ENPEP: variants seen among roughly 807,000 people sequenced by gnomAD.
ENPEP encodes glutamyl aminopeptidase, also known as AP-A.
In ENPEP, 103 loss-of-function variants were observed where a neutral mutation model predicts 114.5. The ratio of observed to expected loss-of-function variants is 0.90; its 90% CI spans 0.77 to 1.06. ENPEP has a LOEUF of 1.06. Among genes scored for constraint, ENPEP ranks in the 50% least tolerant of loss-of-function variants. ENPEP has a pLI of 0.00. For missense variants in ENPEP, 1,196 were observed against 1,161.3 expected, an observed-to-expected ratio of 1.03 and a Z score of -0.43; for synonymous variants, 420 against 422.0, an observed-to-expected ratio of 1.00 and a Z score of 0.06.
At position 110,503,464 on chromosome 4, in the gene ENPEP, G is replaced by A. The variant is rs151094983; in HGVS notation, c.919-3173G>A. Among the ~76,000 whole-genome samples the A allele has an allele frequency of 1.6e-3, 247 of 152,106 alleles. 1 individual carries two copies. Among genetic ancestry groups the A allele is most frequent in the Non-Finnish European group, 6.2e-4 (42 of 67,998 alleles). ...TATATTGTAATCCTTAGTTTCCTTG[G>A]ATTGGTTTCAACTTTCTCAATGGTT... On this transcript the variant is annotated intron_variant, in intron 3 of 19. Coordinates refer to ENST00000265162, the MANE Select transcript of ENPEP (RefSeq NM_001977.4).
At chr4:110,553,178 G>A (rs1727350397) in intron 17 of ENPEP, 137 bp from the exon 18 acceptor site, 1 of 713,610 alleles carries the variant, frequency 1.4e-6, no homozygotes, top group African/African-American at 1.8e-5. Context: ...TTCATCATTT[G>A]TCATATTTAA....
In ENPEP at chr4:110,480,841, G is replaced by A. The variant is rs181273093; in HGVS notation, c.644+3783G>A. ...AACATCCAGTCGCTTTTCCTTTATC[G>A]ATCTACCTCTTCCTACTCGCTAGTC... On this transcript the variant is annotated intron_variant, in intron 1 of 19. Coordinates refer to ENST00000265162, the MANE Select transcript of ENPEP (RefSeq NM_001977.4). Among the ~76,000 whole-genome samples the A allele has an allele frequency of 1.5e-4, 23 of 152,192 alleles. No individual in the cohort carries two copies. The East Asian group carries it at 1.5e-3, about 10-fold the overall frequency.
At chr4:110,536,331 T>C (rs534439308) in intron 11 of ENPEP, among the ~76,000 whole-genome samples, 1 of 152,282 alleles carries the variant, frequency 6.6e-6, no homozygotes, top group Admixed American at 6.5e-5. Flanking sequence ...CCTAGGTGGC[T>C]CTCCACCAAA....
intron 11 of ENPEP, among the ~76,000 whole-genome samples, chr4:110,540,354 T>C (rs565912672): frequency 6.6e-6 from 1 of 152,282 alleles, no homozygotes; most frequent in South Asian, 2.1e-4. Context: ...TTTTATATTC[T>C]TCTTTATACT....
At chr4:110,498,253 C>T (rs1269255078) in intron 3 of ENPEP, among the ~76,000 whole-genome samples, 1 of 152,016 alleles carries the variant, frequency 6.6e-6, no homozygotes, top group Non-Finnish European at 1.5e-5. Flanking sequence ...TGTTACTAGC[C>T]CTGAGTGCCA....
chr4:110,533,437 A>AG (rs1726482693), intron 11 of ENPEP: 1 of 144,888 alleles, frequency 6.9e-6, no homozygotes, highest in Non-Finnish European at 1.5e-5. Flanking sequence ...AAAAAAAAAA[A>AG]GCAATCCTAA....
intron 11 of ENPEP, among the ~76,000 whole-genome samples, chr4:110,540,931 G>A (rs1157231341): frequency 2.6e-5 from 4 of 152,126 alleles, no homozygotes; most frequent in Non-Finnish European, 4.4e-5. Flanking sequence ...GGGGTCAAGT[G>A]ATCTGGCCAA....
Position 110,561,719 on chromosome 4 carries a change from C to T in ENPEP, c.*161C>T, listed in dbSNP as rs527493542. 4 of 653,926 alleles carry T rather than the reference C, an allele frequency of 6.1e-6. No individual in the cohort carries two copies. Among genetic ancestry groups the T allele is most frequent in the African/African-American group, 5.5e-5 (3 of 54,808 alleles). The allele number at this position is 653,926 out of a possible 1,614,324, so 40.5% of individuals were successfully genotyped here. ...CTTGCAAAGCCTTTAAATTGTTCCT[C>T]TTTGTTTATGAAGAAAGATACTAAT... On this transcript the variant is annotated 3_prime_UTR_variant, in exon 20 of 20. Coordinates refer to ENST00000265162, the MANE Select transcript of ENPEP (RefSeq NM_001977.4).
chr4:110,544,084 T>C (rs1396273567), intron 13 of ENPEP, among the ~76,000 whole-genome samples: 1 of 152,008 alleles, frequency 6.6e-6, no homozygotes, highest in Non-Finnish European at 1.5e-5. Context: ...CTAGATAGTA[T>C]ATTAAAAGTC....
rs778285285 is a variant in ENPEP, at chr4:110,476,628, G to A, written c.214G>A (p.Ala72Thr). ...CACGGCCAGCCCCTCAGGTCCTCCTGCCCAGGACCAGGACATCTGCCCGGC... is the reference window on the plus strand; with the variant it reads ...CACGGCCAGCCCCTCAGGTCCTCCTACCCAGGACCAGGACATCTGCCCGGC... The part of the protein sequence containing the change: ...SSTASPSGPP[A>T]QDQDICPASE... Residue 72 changes from alanine to threonine, a missense_variant, in exon 1 of 20, where the codon GCC becomes ACC. Ala to Thr is a moderately conservative substitution (Grantham distance 58). Coordinates refer to ENST00000265162, the MANE Select transcript of ENPEP (RefSeq NM_001977.4). The A allele has an allele frequency of 3.7e-6, 6 of 1,614,012 alleles. No individual in the cohort carries two copies. Among genetic ancestry groups the A allele is most frequent in the South Asian group, 1.1e-5 (1 of 91,074 alleles).
At chr4:110,543,150 C>A in intron 13 of ENPEP, 80 bp downstream of exon 13, 1 of 1,257,614 alleles carries the variant, frequency 8.0e-7, no homozygotes, top group Non-Finnish European at 1.1e-6. Flanking sequence ...TTAAACATTG[C>A]AGTATTAATC....
Position 110,563,645 on chromosome 4 carries a change from ATAAT to A in ENPEP, c.*2093_*2096del, listed in dbSNP as rs1727745248. ...CAAAATTAAGCCACAGTAAATTTAA[ATAAT>A]TAATTTTAATTGAAAAAAAGTAACC... On this transcript the variant is annotated 3_prime_UTR_variant, in exon 20 of 20. Coordinates refer to ENST00000265162, the MANE Select transcript of ENPEP (RefSeq NM_001977.4). The A allele has an allele frequency of 6.6e-6, 1 of 152,204 alleles. No homozygotes were observed. Among genetic ancestry groups the A allele is most frequent in the South Asian group, 2.1e-4 (1 of 4,832 alleles). The allele number at this position is 152,204 out of a possible 1,614,324, so 9.4% of individuals were successfully genotyped here.
rs147197227 is a variant in ENPEP, at chr4:110,538,393, C to A, written c.1808-4358C>A. On this transcript the variant is annotated intron_variant, in intron 11 of 19. Coordinates refer to ENST00000265162, the MANE Select transcript of ENPEP (RefSeq NM_001977.4). ...TCTTTCCTTAAACCTCAAGAACCAA[C>A]CTTTGCTAGCTTCCAGCTTTTCTTC... 7.6e-3 allele frequency among the ~76,000 whole-genome samples: 1,159 copies of A among 152,298 alleles called. 5 individuals are homozygous for A. The highest frequency in any genetic ancestry group is 0.027 in the African/African-American group (1,113 of 41,568).
chr4:110,550,088 G>T (rs1012718839), intron 17 of ENPEP, among the ~76,000 whole-genome samples: 2 of 152,088 alleles, frequency 1.3e-5, no homozygotes, highest in African/African-American at 4.8e-5. Context: ...ACATTCTGGA[G>T]GTAGGTAGCT....
At chr4:110,519,618 C>A in intron 8 of ENPEP, 1 of 118,702 alleles carries the variant, frequency 8.4e-6, no homozygotes. Context: ...CCCAATTCAT[C>A]CACCACCACC....
intron 18 of ENPEP, among the ~76,000 whole-genome samples, chr4:110,558,760 GT>G (rs1178794978): frequency 3.3e-5 from 5 of 152,020 alleles, no homozygotes; most frequent in African/African-American, 1.2e-4. Context: ...ACCATTTGTG[GT>G]CTATGAGGAA....
At chr4:110,517,284 A>G (rs1311404902) in intron 8 of ENPEP, among the ~76,000 whole-genome samples, 1 of 152,060 alleles carries the variant, frequency 6.6e-6, no homozygotes, top group Non-Finnish European at 1.5e-5. Flanking sequence ...CTATATCTTT[A>G]CCCATACTGC....
chr4:110,560,848 TAA>T (rs903788167), intron 19 of ENPEP, among the ~76,000 whole-genome samples: 3 of 152,244 alleles, frequency 2.0e-5, no homozygotes, highest in Non-Finnish European at 2.9e-5. Flanking sequence ...TATTGAATGC[TAA>T]GAGTTTTCTG....
intron 17 of ENPEP, among the ~76,000 whole-genome samples, chr4:110,551,925 G>C (rs1727305422): frequency 6.6e-6 from 1 of 152,092 alleles, no homozygotes. Context: ...TTTGGTCTGG[G>C]ACAGAGTCTG....
Sources: allele counts gnomAD v4.1 joint callset (sites outside exome capture counted in the v4.1 genomes callset), GRCh38; gene constraint gnomAD v4.1.1; transcripts MANE v1.5; gene names NCBI Gene and HGNC (gene_info 2026-07-23, HGNC 2026-07-21).